The following CDIP1 variants were observed in gnomAD, a reference collection of about 807,000 sequenced individuals.
CDIP1 encodes the protein cell death-inducing p53-target protein 1.
A neutral mutation model predicts 17.7 loss-of-function variants in CDIP1; 9 were observed. That is an observed-to-expected ratio of 0.51 (90% CI 0.31 to 0.89). CDIP1 has a LOEUF of 0.89. Among genes scored for constraint, CDIP1 ranks in the 40% least tolerant of loss-of-function variants. CDIP1 has a pLI of 0.05. For synonymous variants in CDIP1, 117 were observed against 109.5 expected, an observed-to-expected ratio of 1.07 and a Z score of -0.43; for missense variants, 263 against 277.9, an observed-to-expected ratio of 0.95 and a Z score of 0.38.
At chr16:4,521,887 C>T (rs1233141325) in intron 1 of CDIP1, among the ~76,000 whole-genome samples, 8 of 152,062 alleles carry the variant, frequency 5.3e-5, no homozygotes, top group Non-Finnish European at 1.2e-4. Flanking sequence ...GTGTGTGAAA[C>T]GCCTGCAGCA....
chr16:4,530,660 AC>A (rs1215201554), intron 1 of CDIP1, among the ~76,000 whole-genome samples: 5 of 146,792 alleles, frequency 3.4e-5, no homozygotes, highest in East Asian at 2.0e-4. Flanking sequence ...AAAAAAAAAA[AC>A]AAAAACAAAA....
intron 1 of CDIP1, among the ~76,000 whole-genome samples, chr16:4,537,810 C>G (rs709632): frequency 0.34 from 51,543 of 152,136 alleles, 9,623 homozygotes; most frequent in African/African-American, 0.48. Context: ...TCATCTAACA[C>G]CTGTTGAGAA....
At chr16:4,531,656 G>A (rs1039526630) in intron 1 of CDIP1, among the ~76,000 whole-genome samples, 2 of 152,198 alleles carry the variant, frequency 1.3e-5, no homozygotes, top group Non-Finnish European at 2.9e-5. Context: ...TGGCTGCCCC[G>A]GGCACCCCAG....
At chr16:4,530,663 A>C (rs2059047129) in intron 1 of CDIP1, among the ~76,000 whole-genome samples, 1 of 151,744 alleles carries the variant, frequency 6.6e-6, no homozygotes. Flanking sequence ...AAAAAAAACA[A>C]AAACAAAAAA....
At chr16:4,532,665 C>G (rs570217420) in intron 1 of CDIP1, 1 of 152,252 alleles carries the variant, frequency 6.6e-6, no homozygotes, top group Non-Finnish European at 1.5e-5. Flanking sequence ...AAGTAGGTGG[C>G]TCCTAGAGCT....
At position 4,513,965 on chromosome 16, in the gene CDIP1, G is replaced by T; in HGVS notation, c.85+81C>A. 7.5e-7 allele frequency: 1 copy of T among 1,335,392 alleles called. No homozygotes were observed. The highest frequency in any genetic ancestry group is 1.0e-6 in the Non-Finnish European group (1 of 981,218). 82.7% of individuals were successfully genotyped at this position (1,335,392 alleles called of 1,614,324 possible). A position where few individuals can be genotyped will look rare whatever the true frequency, so the allele number is the denominator to read the frequency against. On this transcript the variant is annotated intron_variant, in intron 3 of 5. Coordinates refer to ENST00000567695, the MANE Select transcript of CDIP1 (RefSeq NM_013399.3). This position sits in a 1 kb window ranked among gnomAD's most constrained non-coding sequence, Gnocchi z 4.1. ...GGGCCCAGGGGTAACCCTGGAGTGG[G>T]CATCACCACTTAGAGAGTCCCAACC...
chr16:4,528,964 G>A (rs373516543), intron 1 of CDIP1, among the ~76,000 whole-genome samples: 7 of 151,970 alleles, frequency 4.6e-5, no homozygotes, highest in Admixed American at 1.3e-4. Flanking sequence ...ACTCCAGGCC[G>A]GGCAACAAGA....
chr16:4,527,700 C>G (rs779688136), intron 1 of CDIP1, among the ~76,000 whole-genome samples: 5 of 152,116 alleles, frequency 3.3e-5, no homozygotes, highest in African/African-American at 4.8e-5. Flanking sequence ...AACACAGATT[C>G]ACAGGCAAAG....
rs373577982 is a variant in CDIP1 at position 4,513,507 on chromosome 16, A to G, written c.241+189T>C. ...CCAGCCCTTCCTGACCAGCCTGAATAAGAGCAGTCCCACCTTCCCACGTCC... is the reference window on the plus strand; with the variant it reads ...CCAGCCCTTCCTGACCAGCCTGAATGAGAGCAGTCCCACCTTCCCACGTCC... On this transcript the variant is annotated intron_variant, in intron 4 of 5. Coordinates refer to ENST00000567695, the MANE Select transcript of CDIP1 (RefSeq NM_013399.3). The surrounding 1 kb of genome is among the most constrained non-coding windows in gnomAD (Gnocchi z 4.1). Among the ~76,000 whole-genome samples the G allele has an allele frequency of 2.6e-4, 40 of 152,242 alleles. No individual in the cohort carries two copies. The highest frequency in any genetic ancestry group is 9.4e-4 in the African/African-American group (39 of 41,540).
intron 1 of CDIP1, among the ~76,000 whole-genome samples, chr16:4,530,665 A>C (rs2059047190): frequency 6.6e-6 from 1 of 151,734 alleles, no homozygotes; most frequent in Non-Finnish European, 1.5e-5. Context: ...AAAAAACAAA[A>C]ACAAAAAAAA....
intron 1 of CDIP1, among the ~76,000 whole-genome samples, chr16:4,519,377 G>A (rs773056867): frequency 1.1e-4 from 17 of 152,236 alleles, no homozygotes; most frequent in Non-Finnish European, 4.4e-5. Context: ...AGATCCCACA[G>A]GTTGAGGGCT....
rs2058948317 is a variant in CDIP1 at position 4,521,539 on chromosome 16, G to C, written c.-104-6875C>G. Among the ~76,000 whole-genome samples, 3 of 152,022 alleles carry C rather than the reference G, an allele frequency of 2.0e-5. No homozygotes were observed. The East Asian group carries it at 5.8e-4, about 29-fold the overall frequency. On this transcript the variant is annotated intron_variant, in intron 1 of 5. Transcript: ENST00000567695. ...CCAGGGATGTGCTTGCCACCCGGTG[G>C]AAGGCTTTAAATGAAACAAGCAGTC...
chr16:4,514,407 A>G lies in CDIP1; in HGVS notation c.-15+168T>C, dbSNP rs1331359103. 6.6e-6 allele frequency among the ~76,000 whole-genome samples: 1 copy of G among 152,220 alleles called. No individual in the cohort carries two copies. Among genetic ancestry groups the G allele is most frequent in the African/African-American group, 2.4e-5 (1 of 41,448 alleles). ...CCCAGGAAGCAGGGCCCAGTGAGGT[A>G]AAGTCCCCCAAGGAGCCTAACTCAG... is the stretch of plus-strand genomic sequence containing the variant. On this transcript the variant is annotated intron_variant, in intron 2 of 5. Transcript: ENST00000567695. The surrounding 1 kb of genome is among the most constrained non-coding windows in gnomAD (Gnocchi z 5.2).
intron 1 of CDIP1, among the ~76,000 whole-genome samples, chr16:4,530,174 C>G (rs1172443179): frequency 6.6e-6 from 1 of 152,194 alleles, no homozygotes; most frequent in African/African-American, 2.4e-5. Flanking sequence ...AGAAAGCGCT[C>G]TAGGAACTGA....
At position 4,510,928 on chromosome 16, in the gene CDIP1, G is replaced by C. The variant is rs7702; in HGVS notation, c.*1644C>G. Reference sequence around the variant, plus strand: ...GCCTGTCAGCCTCAGCCCAGTCTGTGTTGCTTAAGGGTGCGCCTCCCCAGG... The same window carrying C: ...GCCTGTCAGCCTCAGCCCAGTCTGTCTTGCTTAAGGGTGCGCCTCCCCAGG... On this transcript the variant is annotated 3_prime_UTR_variant, in exon 6 of 6. Transcript: ENST00000567695. 0.73 allele frequency: 111,382 copies of C among 152,164 alleles called. 41,004 individuals carry two copies. Among genetic ancestry groups the C allele is most frequent in the African/African-American group, 0.78 (32,219 of 41,500 alleles). The allele number at this position is 152,164 out of a possible 1,614,324, so 9.4% of individuals were successfully genotyped here. A position where few individuals can be genotyped will look rare whatever the true frequency, so the allele number is the denominator to read the frequency against.
intron 1 of CDIP1, among the ~76,000 whole-genome samples, chr16:4,519,094 A>G (rs956780997): frequency 6.6e-6 from 1 of 152,162 alleles, no homozygotes; most frequent in African/African-American, 2.4e-5. Context: ...AAATCTTTAC[A>G]AGTCAATCAC....
At position 4,513,003 on chromosome 16, in the gene CDIP1, C is replaced by T. The variant is rs759631918; in HGVS notation, c.303G>A (p.Thr101=). The change falls in exon 5 of 6, where the codon ACG becomes ACA. Residue 101 remains threonine (T), a synonymous_variant. Transcript: ENST00000567695. The surrounding 1 kb of genome is among the most constrained non-coding windows in gnomAD (Gnocchi z 4.1). ...CCCCAGGGCCAGGGTAGGGCCCTGG[C>T]GTGTAGGGCCCTGGGGGGTAGTAGC... is the stretch of plus-strand genomic sequence containing the variant. The part of the protein sequence containing the change: ...PMGYYPPGPY[T]PGPYPGPGGH... 29 of 1,589,612 alleles carry T rather than the reference C, an allele frequency of 1.8e-5. No individual in the cohort carries two copies. The highest frequency in any genetic ancestry group is 6.7e-5 in the African/African-American group (5 of 74,676).
intron 1 of CDIP1, among the ~76,000 whole-genome samples, chr16:4,535,400 A>C (rs2141663528): frequency 6.6e-6 from 1 of 152,346 alleles, no homozygotes; most frequent in South Asian, 2.1e-4. Context: ...ATTACCAAAA[A>C]TGCATCACAA....
chr16:4,530,655 A>AC (rs1006660241), intron 1 of CDIP1, among the ~76,000 whole-genome samples: 23 of 151,692 alleles, frequency 1.5e-4, no homozygotes, highest in Non-Finnish European at 2.5e-4. Context: ...TCTCAAAAAA[A>AC]AAAAACAAAA....
Sources: gnomAD v4.1 joint callset for allele counts (sites outside exome capture counted in the v4.1 genomes callset) on GRCh38, gnomAD v4.1.1 for gene constraint, Gnocchi (gnomAD v3.1) non-coding constraint, MANE v1.5 for transcripts, NCBI Gene and HGNC (gene_info 2026-07-23, HGNC 2026-07-21) for gene names.